ABCA3: variants seen among roughly 807,000 people sequenced by gnomAD.
ABCA3 encodes the protein phospholipid-transporting ATPase ABCA3.
Under a neutral mutation model 172.8 loss-of-function variants are expected in ABCA3, and 88 were observed. That is an observed-to-expected ratio of 0.51 (90% CI 0.43 to 0.61). The LOEUF is 0.61. Ranked by LOEUF, ABCA3 falls within the 20% of genes least tolerant of loss-of-function variation. The pLI is 0.00. For synonymous variants in ABCA3, 1,066 were observed against 983.8 expected (o/e 1.08, Z -1.56); for missense variants, 2,164 against 2,301.0 (o/e 0.94, Z 1.22).
intron 12 of ABCA3, 78 bp from the exon 13 acceptor site, chr16:2,300,226 A>G: frequency 1.3e-6 from 2 of 1,591,142 alleles, no homozygotes; most frequent in Non-Finnish European, 8.6e-7. Flanking sequence ...CACTAGATGC[A>G]CACAGCCATG....
chr16:2,296,037 A>T (rs945358434), intron 17 of ABCA3, among the ~76,000 whole-genome samples: 2 of 152,190 alleles, frequency 1.3e-5, no homozygotes, highest in Non-Finnish European at 2.9e-5. Context: ...GAAGGATATC[A>T]TCAGCAGCGA....
rs533133665 is a variant in ABCA3, at chr16:2,333,838, G to A, written c.-538-3984C>T. 1.9e-4 allele frequency among the ~76,000 whole-genome samples: 29 copies of A among 152,040 alleles called. No homozygotes were observed. The South Asian group carries it at 4.6e-3, about 24-fold the overall frequency. On this transcript the variant is annotated intron_variant, in intron 1 of 32. Transcript: ENST00000301732. Reference sequence around the variant, plus strand: ...TGAGTAGCTGGGATTACAGGCGTGCGCCACCATGCCTTGCCAATTTTTTGT... The same window carrying A: ...TGAGTAGCTGGGATTACAGGCGTGCACCACCATGCCTTGCCAATTTTTTGT...
At chr16:2,327,688 C>T (rs1272844083) in intron 3 of ABCA3, among the ~76,000 whole-genome samples, 3 of 152,142 alleles carry the variant, frequency 2.0e-5, no homozygotes, top group Non-Finnish European at 4.4e-5. Context: ...GCATCAGAGC[C>T]TCGCAGCAAA....
At chr16:2,304,281 T>A in intron 11 of ABCA3, 131 bp from the exon 12 acceptor site, 2 of 912,184 alleles carry the variant, frequency 2.2e-6, no homozygotes, top group Non-Finnish European at 3.6e-6. Flanking sequence ...GCCTTTTCCC[T>A]TCCCGGTTTT....
In ABCA3 at chr16:2,286,361, C is replaced by G. The variant is rs559313286; in HGVS notation, c.3278+333G>C. Among the ~76,000 whole-genome samples, 1 of 152,284 alleles carries G rather than the reference C, an allele frequency of 6.6e-6. No individual in the cohort carries two copies. The highest frequency in any genetic ancestry group is 2.1e-4 in the South Asian group (1 of 4,824). The stretch of plus-strand genomic sequence containing the variant: ...ACCCTCCATCACCTCAGCTCATGTG[C>G]CCAGCAGGTCACACTGCTGGAGAGA... On this transcript the variant is annotated intron_variant, in intron 22 of 32. Coordinates refer to ENST00000301732, the MANE Select transcript of ABCA3 (RefSeq NM_001089.3). The surrounding 1 kb of genome is among the most constrained non-coding windows in gnomAD (Gnocchi z 5.2).
chr16:2,328,674 C>A lies in ABCA3; in HGVS notation c.-248G>T. The A allele has an allele frequency of 2.4e-6, 1 of 412,606 alleles. No individual in the cohort carries two copies. Among genetic ancestry groups the A allele is most frequent in the South Asian group, 1.7e-5 (1 of 58,712 alleles). The allele number at this position is 412,606 out of a possible 1,614,324, so 25.6% of individuals were successfully genotyped here. On this transcript the variant is annotated 5_prime_UTR_variant, in exon 3 of 33. Coordinates refer to ENST00000301732, the MANE Select transcript of ABCA3 (RefSeq NM_001089.3). ...TGCAGGCAGAGAGGAGTCCTTCCCG[C>A]TCAGCGTCCTTCATGTGCGGAAAAG...
Position 2,319,892 on chromosome 16 carries a change from G to C in ABCA3, c.614-52C>G, listed in dbSNP as rs981126537. ...AGCCACCTCGAGGAGCTGCTCTCGA[G>C]GGCAGAGGGCCACGTGCATGGGGTC... On this transcript the variant is annotated intron_variant, in intron 7 of 32. Coordinates refer to ENST00000301732, the MANE Select transcript of ABCA3 (RefSeq NM_001089.3). 1.9e-6 allele frequency: 3 copies of C among 1,608,680 alleles called. No individual in the cohort carries two copies. In the African/African-American group the frequency reaches 4.0e-5, roughly 21 times the overall value.
chr16:2,340,371 C>T (rs1236312161), intron 1 of ABCA3, among the ~76,000 whole-genome samples: 2 of 151,634 alleles, frequency 1.3e-5, no homozygotes, highest in Non-Finnish European at 2.9e-5. Flanking sequence ...AGGGAGCGCC[C>T]GGAGCCGAGG....
In ABCA3 at chr16:2,297,500, T is replaced by A; in HGVS notation, c.2092A>T (p.Ile698Phe). 13 of 1,613,304 alleles carry A rather than the reference T, an allele frequency of 8.1e-6. No homozygotes were observed. Among genetic ancestry groups the A allele is most frequent in the Non-Finnish European group, 1.0e-5 (12 of 1,179,992 alleles). Residue 698 changes from isoleucine (I) to phenylalanine (F), a missense_variant, in exon 17 of 33, where the codon ATC becomes TTC. This residue lies in a region of ABCA3 where 1,343 missense variants were observed against 1,369.6 expected (regional missense o/e 0.98). Coordinates refer to ENST00000301732, the MANE Select transcript of ABCA3 (RefSeq NM_001089.3). This position sits in a 1 kb window ranked among gnomAD's most constrained non-coding sequence, Gnocchi z 5.6. ...AGATCCCAGATGGCCCTCCTGGAGA[T>A]GGCGTCCATGCCCGAGGTGGGCTCG... is the stretch of plus-strand genomic sequence containing the variant. ...LDEPTSGMDA[I>F]SRRAIWDLLQ...
chr16:2,319,747 T>C lies in ABCA3; in HGVS notation c.707A>G (p.Gln236Arg). ...HADAATRQLF[Q>R]RLTVTIKRFP... is the part of the protein sequence containing the mutation. ...CCTCTTGATGGTCACCGTCAGTCTC[T>C]GGAACAGCTGGCGTGTGGCGGCATC... The change falls in exon 8 of 33, where the codon CAG (glutamine) becomes CGG (arginine). Residue 236 changes from glutamine to arginine, a missense_variant. By Grantham distance (43) the Gln-to-Arg change is conservative. Coordinates refer to ENST00000301732, the MANE Select transcript of ABCA3 (RefSeq NM_001089.3). 6.2e-7 allele frequency: 1 copy of C among 1,613,922 alleles called. No homozygotes were observed. Among genetic ancestry groups the C allele is most frequent in the South Asian group, 1.1e-5 (1 of 91,074 alleles).
At chr16:2,293,834 T>TG (rs1302354879) in intron 18 of ABCA3, among the ~76,000 whole-genome samples, 1 of 151,756 alleles carries the variant, frequency 6.6e-6, no homozygotes, top group Non-Finnish European at 1.5e-5. Flanking sequence ...CCACCGTGCC[T>TG]GGCCATGTGG....
At chr16:2,320,331 C>T (rs1012643504) in intron 7 of ABCA3, among the ~76,000 whole-genome samples, 1 of 150,720 alleles carries the variant, frequency 6.6e-6, no homozygotes, top group East Asian at 2.0e-4. Context: ...ATCTCCTGAC[C>T]TCATGATCCA....
intron 19 of ABCA3, 102 bp downstream of exon 19, chr16:2,292,038 A>T: frequency 1.1e-6 from 1 of 898,578 alleles, no homozygotes; most frequent in South Asian, 1.4e-5. Flanking sequence ...GCACCACTGC[A>T]CTCCAGCCTG....
At chr16:2,293,801 A>G (rs957029481) in intron 18 of ABCA3, among the ~76,000 whole-genome samples, 2 of 151,628 alleles carry the variant, frequency 1.3e-5, no homozygotes, top group Non-Finnish European at 2.9e-5. Flanking sequence ...TCGGCCTCCA[A>G]GTGCTGGGAT....
intron 18 of ABCA3, 69 bp from the exon 19 acceptor site, chr16:2,292,307 C>G: frequency 7.2e-7 from 1 of 1,387,754 alleles, no homozygotes; most frequent in Non-Finnish European, 1.0e-6. Flanking sequence ...CCTAAAGCAT[C>G]ACCCCCCCTC....
chr16:2,323,802 C>T (rs1418533127), intron 6 of ABCA3, 114 bp from the exon 7 acceptor site: 8 of 1,188,482 alleles, frequency 6.7e-6, no homozygotes, highest in Admixed American at 1.7e-5. Flanking sequence ...CTCACCACTC[C>T]CCCGCCTCTG....
At chr16:2,300,996 C>A (rs1038561349) in intron 12 of ABCA3, among the ~76,000 whole-genome samples, 7 of 149,836 alleles carry the variant, frequency 4.7e-5, no homozygotes, top group Non-Finnish European at 1.0e-4. Flanking sequence ...TTTGGGAGGC[C>A]GAGGCGGGCG....
Position 2,277,576 on chromosome 16 carries a change from G to A in ABCA3, c.4983+21C>T, listed in dbSNP as rs1190636462. 3.1e-6 allele frequency: 5 copies of A among 1,612,476 alleles called. No homozygotes were observed. The Admixed American group carries it at 8.3e-5, about 27-fold the overall frequency. On this transcript the variant is annotated intron_variant, in intron 32 of 32. Coordinates refer to ENST00000301732, the MANE Select transcript of ABCA3 (RefSeq NM_001089.3). The surrounding 1 kb of genome is among the most constrained non-coding windows in gnomAD (Gnocchi z 5.3). ...CCCCCTGCCCCATGAGTGCCCAGTGGGGCCCCAGGGACTGCCTCACCTTCG... is the reference window on the plus strand; with the variant it reads ...CCCCCTGCCCCATGAGTGCCCAGTGAGGCCCCAGGGACTGCCTCACCTTCG...
Position 2,292,206 on chromosome 16 carries a change from T to G in ABCA3, c.2447A>C (p.Lys816Thr). 1 of 1,613,992 alleles carries G rather than the reference T, an allele frequency of 6.2e-7. No individual in the cohort carries two copies. The highest frequency in any genetic ancestry group is 8.5e-7 in the Non-Finnish European group (1 of 1,179,930). ...GCTGGCAATGCCCAGCTCTTTCTGCTTCTTCTCCAGTTTAGCAAAGAGACC... is the reference window on the plus strand; with the variant it reads ...GCTGGCAATGCCCAGCTCTTTCTGCGTCTTCTCCAGTTTAGCAAAGAGACC... ...FEGLFAKLEK[K>T]QKELGIASFG... The change falls in exon 19 of 33, where the codon AAG (lysine) becomes ACG (threonine). Residue 816 changes from lysine (K) to threonine (T), a missense_variant. Lys to Thr is a moderately conservative substitution (Grantham distance 78, BLOSUM62 -1). Around this residue, in one of 3 missense-constraint regions of ABCA3, gnomAD observed 1,343 missense variants for 1,369.6 expected, o/e 0.98. Transcript: ENST00000301732.
Sources: allele counts gnomAD v4.1 joint callset (sites outside exome capture counted in the v4.1 genomes callset), GRCh38; gene constraint gnomAD v4.1.1; regional missense constraint gnomAD v4.1.1; non-coding constraint Gnocchi (gnomAD v3.1); transcripts MANE v1.5; gene names NCBI Gene and HGNC (gene_info 2026-07-23, HGNC 2026-07-21).